Variants in PLXNA4 observed in about 807,000 individuals in gnomAD.
The protein encoded by PLXNA4 is plexin-A4.
PLXNA4 carries 44 observed loss-of-function variants against 191.8 expected under a neutral mutation model. The ratio of observed to expected loss-of-function variants is 0.23; its 90% CI spans 0.18 to 0.29. The LOEUF is 0.29. Ranked by LOEUF, PLXNA4 falls within the 10% of genes least tolerant of loss-of-function variation. The probability of loss-of-function intolerance (pLI) is 1.00; values close to 1 mark genes in which losing one functional copy is unlikely to be tolerated. For missense variants in PLXNA4, 1,800 were observed against 2,488.8 expected (o/e 0.72, Z 5.89); for synonymous variants, 1,082 against 1,009.5 (o/e 1.07, Z -1.36).
At chr7:132,415,599 A>G (rs137901064) in intron 3 of PLXNA4, among the ~76,000 whole-genome samples, 316 of 152,366 alleles carry the variant, frequency 2.1e-3, no homozygotes, top group Non-Finnish European at 3.4e-3. Context: ...TAACTCTAAT[A>G]GGAGATAGAT....
chr7:132,448,107 T>C (rs1432417902), intron 3 of PLXNA4, among the ~76,000 whole-genome samples: 1 of 152,246 alleles, frequency 6.6e-6, no homozygotes, highest in Non-Finnish European at 1.5e-5. Flanking sequence ...ATTGGACTAC[T>C]AGGTTCCAAA....
chr7:132,325,797 G>A (rs1383256215), intron 3 of PLXNA4, among the ~76,000 whole-genome samples: 1 of 152,162 alleles, frequency 6.6e-6, no homozygotes, highest in East Asian at 1.9e-4. Flanking sequence ...GCAGCCCTAG[G>A]AAACTGACAC....
In PLXNA4 at chr7:132,508,955, G is replaced by T. The variant is rs1262847679; in HGVS notation, c.-86-176C>A. On this transcript the variant is annotated intron_variant, in intron 1 of 31. Coordinates refer to ENST00000321063, the MANE Select transcript of PLXNA4 (RefSeq NM_020911.2). The surrounding 1 kb of genome is among the most constrained non-coding windows in gnomAD (Gnocchi z 4.4). ...ACGGGCATGTGACACAGTCAGAGCC[G>T]GGTGGCAGCAGCCCCAGGAGGACAC... is the stretch of plus-strand genomic sequence containing the variant. Among the ~76,000 whole-genome samples, 5 of 152,162 alleles carry T rather than the reference G, an allele frequency of 3.3e-5. No homozygotes were observed. The highest frequency in any genetic ancestry group is 1.2e-4 in the African/African-American group (5 of 41,442).
chr7:132,535,988 A>C (rs931304334), intron 1 of PLXNA4, among the ~76,000 whole-genome samples: 1 of 152,160 alleles, frequency 6.6e-6, no homozygotes, highest in African/African-American at 2.4e-5. Flanking sequence ...CAGGCTCCAG[A>C]ATCTCTGCTC....
At chr7:132,376,544 A>G (rs1804664579) in intron 3 of PLXNA4, among the ~76,000 whole-genome samples, 1 of 152,312 alleles carries the variant, frequency 6.6e-6, no homozygotes, top group Middle Eastern at 3.4e-3. Flanking sequence ...AAGCAACCAT[A>G]AGGAAATAAA....
rs1327970241 is a variant in PLXNA4 at position 132,198,726 on chromosome 7, T to C, written c.2587-90A>G. On this transcript the variant is annotated intron_variant, in intron 12 of 31. Transcript: ENST00000321063. ...CAAGGAGAGGCTGCTGGCTCTTGTCTCATCTGCCCCAGAGTCCCTGAGTGG... is the reference window on the plus strand; with the variant it reads ...CAAGGAGAGGCTGCTGGCTCTTGTCCCATCTGCCCCAGAGTCCCTGAGTGG... 6.5e-6 allele frequency: 10 copies of C among 1,544,428 alleles called. No individual in the cohort carries two copies. In the Admixed American group the frequency reaches 7.5e-5, roughly 12 times the overall value.
intron 3 of PLXNA4, among the ~76,000 whole-genome samples, chr7:132,331,355 G>C (rs1467102586): frequency 6.6e-6 from 1 of 152,210 alleles, no homozygotes; most frequent in African/African-American, 2.4e-5. Context: ...CAGAGGGTTT[G>C]GCTCTGCCAA....
intron 3 of PLXNA4, among the ~76,000 whole-genome samples, chr7:132,376,320 G>T (rs1804657879): frequency 6.6e-6 from 1 of 152,192 alleles, no homozygotes; most frequent in South Asian, 2.1e-4. Context: ...AGGATACAGG[G>T]AAGGGAAGAA....
chr7:132,197,046 G>T (rs1039266472), intron 13 of PLXNA4, among the ~76,000 whole-genome samples: 3 of 152,146 alleles, frequency 2.0e-5, no homozygotes, highest in African/African-American at 7.2e-5. Context: ...TGATGCACAA[G>T]TTTTAAGGTT....
intron 12 of PLXNA4, among the ~76,000 whole-genome samples, chr7:132,199,270 C>T (rs961543969): frequency 6.6e-6 from 1 of 152,160 alleles, no homozygotes; most frequent in Non-Finnish European, 1.5e-5. Context: ...TTATGTCTTG[C>T]GTTGTCATGT....
chr7:132,246,221 G>A (rs1194742586), intron 4 of PLXNA4, among the ~76,000 whole-genome samples: 1 of 152,214 alleles, frequency 6.6e-6, no homozygotes, highest in Non-Finnish European at 1.5e-5. Context: ...AAGGGGAACG[G>A]CTTTTGCTGG....
rs1563048449 is a variant in PLXNA4, at chr7:132,132,483, C to CTTTCTAT, written c.5589+565_5589+566insATAGAAA. ...TTCTGTTCTGCTCTGCTCTGCTCTG[C>CTTTCTAT]TCTGCTCTATTCTTTTCTATTCTAT... On this transcript the variant is annotated intron_variant, in intron 31 of 31. Coordinates refer to ENST00000321063, the MANE Select transcript of PLXNA4 (RefSeq NM_020911.2). Among the ~76,000 whole-genome samples, 247 of 80,712 alleles carry CTTTCTAT rather than the reference C, an allele frequency of 3.1e-3. 2 individuals are homozygous for CTTTCTAT. Among genetic ancestry groups the CTTTCTAT allele is most frequent in the East Asian group, 4.5e-3 (12 of 2,674 alleles). The allele number at this position is 80,712 out of a possible 152,430, so 53.0% of individuals were successfully genotyped here.
chr7:132,579,550 G>T (rs542470383), upstream of PLXNA4, among the ~76,000 whole-genome samples: 6 of 150,112 alleles, frequency 4.0e-5, no homozygotes, highest in East Asian at 1.2e-3. Context: ...TCCAGAGGTG[G>T]CAAATAAAAT....
chr7:132,491,900 C>A (rs929146381), intron 2 of PLXNA4, among the ~76,000 whole-genome samples: 4 of 152,082 alleles, frequency 2.6e-5, no homozygotes, highest in African/African-American at 9.7e-5. Context: ...AAGGACAAAT[C>A]CAGGCAAAGG....
At chr7:132,463,425 T>C (rs1796588691) in intron 3 of PLXNA4, among the ~76,000 whole-genome samples, 1 of 152,196 alleles carries the variant, frequency 6.6e-6, no homozygotes, top group African/African-American at 2.4e-5. Flanking sequence ...CCTTACTGTG[T>C]GCTTTGTGCA....
At chr7:132,198,872 C>T (rs1797341045) in intron 12 of PLXNA4, among the ~76,000 whole-genome samples, 2 of 152,142 alleles carry the variant, frequency 1.3e-5, no homozygotes, top group Admixed American at 1.3e-4. Flanking sequence ...TACATCTTTC[C>T]ATTTCATAGA....
chr7:132,317,066 G>T (rs977440306), intron 3 of PLXNA4, among the ~76,000 whole-genome samples: 1 of 152,106 alleles, frequency 6.6e-6, no homozygotes, highest in African/African-American at 2.4e-5. Context: ...GATTAGGTTG[G>T]GTTGAATTGG....
chr7:132,527,539 C>CAAAAAAAAAAAAAAAAAAA (rs34598256), intron 1 of PLXNA4, among the ~76,000 whole-genome samples: 1 of 59,716 alleles, frequency 1.7e-5, no homozygotes, highest in Non-Finnish European at 3.1e-5. Flanking sequence ...GAAACAGACT[C>CAAAAAAAAAAAAAAAAAAA]AAAAAAAAAA....
At chr7:132,253,373 C>T (rs1417520270) in intron 4 of PLXNA4, among the ~76,000 whole-genome samples, 6 of 151,808 alleles carry the variant, frequency 4.0e-5, no homozygotes, top group Non-Finnish European at 8.8e-5. Flanking sequence ...GTAGCTGAGA[C>T]TACAGACACA....
Sources: allele counts gnomAD v4.1 joint callset (sites outside exome capture counted in the v4.1 genomes callset), GRCh38; gene constraint gnomAD v4.1.1; non-coding constraint Gnocchi (gnomAD v3.1); transcripts MANE v1.5; gene names NCBI Gene and HGNC (gene_info 2026-07-23, HGNC 2026-07-21).